Variants in KCNMA1 observed in about 807,000 individuals in gnomAD.
The protein encoded by KCNMA1 is potassium calcium-activated channel subfamily M alpha 1.
KCNMA1 carries 29 observed loss-of-function variants against 140.0 expected under a neutral mutation model. That is an observed-to-expected ratio of 0.21 (90% confidence interval 0.15 to 0.28). The LOEUF (loss-of-function observed/expected upper bound fraction) is 0.28. Among genes scored for constraint, KCNMA1 ranks in the 10% least tolerant of loss-of-function variants. KCNMA1 has a pLI of 1.00. For synonymous variants in KCNMA1, 612 were observed against 611.9 expected (o/e 1.00, Z 0.00); for missense variants, 880 against 1,602.2 (o/e 0.55, Z 7.70).
chr10:77,592,850 T>C (rs189262975), intron 1 of KCNMA1, among the ~76,000 whole-genome samples: 1 of 152,238 alleles, frequency 6.6e-6, no homozygotes, highest in Admixed American at 6.5e-5. Context: ...GCCCACTGAG[T>C]GTGCCCCGGC....
intron 1 of KCNMA1, among the ~76,000 whole-genome samples, chr10:77,580,254 G>A (rs1016211168): frequency 1.7e-4 from 26 of 151,784 alleles, no homozygotes; most frequent in Admixed American, 1.1e-3. Context: ...GGTGGCGGGC[G>A]CCTGTAGTCC....
chr10:77,143,432 T>C (rs910256644), intron 5 of KCNMA1, among the ~76,000 whole-genome samples: 1 of 151,886 alleles, frequency 6.6e-6, no homozygotes, highest in Non-Finnish European at 1.5e-5. Context: ...AGTCCAGAAA[T>C]AGACCCATAT....
chr10:76,987,704 A>C (rs1325053128), intron 19 of KCNMA1, among the ~76,000 whole-genome samples: 1 of 152,238 alleles, frequency 6.6e-6, no homozygotes, highest in East Asian at 1.9e-4. Context: ...AGGTTCCAGA[A>C]ATGTGTAAAG....
At chr10:77,044,819 G>C (rs1271587390) in intron 14 of KCNMA1, among the ~76,000 whole-genome samples, 1 of 152,086 alleles carries the variant, frequency 6.6e-6, no homozygotes, top group Admixed American at 6.5e-5. Context: ...GTGAATCCGT[G>C]GTACAAACAG....
At position 77,004,493 on chromosome 10, in the gene KCNMA1, G is replaced by C. The variant is rs149666619; in HGVS notation, c.2093-2913C>G. Among the ~76,000 whole-genome samples the C allele has an allele frequency of 2.9e-4, 44 of 152,234 alleles. 2 individuals are homozygous for C. Among genetic ancestry groups the C allele is most frequent in the African/African-American group, 1.0e-3 (43 of 41,548 alleles). ...TCTTAAAAGGTAAGACCTCCCATCT[G>C]GTGGAGCGATTCATCAGGCTTGAAG... On this transcript the variant is annotated intron_variant, in intron 18 of 27. Coordinates refer to ENST00000286628, the MANE Select transcript of KCNMA1 (RefSeq NM_001161352.2).
At chr10:77,136,763 T>G (rs2098045130) in intron 5 of KCNMA1, among the ~76,000 whole-genome samples, 1 of 152,188 alleles carries the variant, frequency 6.6e-6, no homozygotes, top group Admixed American at 6.5e-5. Flanking sequence ...AGTTTTTTAA[T>G]TTTTTTGTAA....
intron 3 of KCNMA1, among the ~76,000 whole-genome samples, chr10:77,206,696 C>G (rs1264764500): frequency 6.6e-6 from 1 of 151,662 alleles, no homozygotes; most frequent in Non-Finnish European, 1.5e-5. Context: ...GTGTTTTGTT[C>G]ACTGTTTCAC....
chr10:77,368,656 T>TTA (rs1489859519), intron 2 of KCNMA1, among the ~76,000 whole-genome samples: 1 of 152,224 alleles, frequency 6.6e-6, no homozygotes, highest in African/African-American at 2.4e-5. Context: ...TATCAAAGCT[T>TTA]TATAGTTTTA....
intron 17 of KCNMA1, chr10:77,012,497 A>C: frequency 6.5e-7 from 1 of 1,550,306 alleles, no homozygotes; most frequent in East Asian, 2.4e-5. Flanking sequence ...TAAAAATATC[A>C]AGCTTGTCAC....
At chr10:77,302,322 C>T (rs1034484127) in intron 2 of KCNMA1, among the ~76,000 whole-genome samples, 19 of 152,132 alleles carry the variant, frequency 1.2e-4, no homozygotes, top group Admixed American at 5.2e-4. Context: ...TTGCTGCCCA[C>T]CCCCATACTG....
At chr10:77,010,735 CCACTCTAGGAG>C (rs2090507108) in intron 18 of KCNMA1, among the ~76,000 whole-genome samples, 1 of 151,882 alleles carries the variant, frequency 6.6e-6, no homozygotes, top group African/African-American at 2.4e-5. Context: ...TTTCTGTACC[CCACTCTAGGAG>C]TACAATGAAA....
chr10:77,092,864 C>T (rs376058727), intron 9 of KCNMA1, among the ~76,000 whole-genome samples: 73 of 152,298 alleles, frequency 4.8e-4, no homozygotes, highest in African/African-American at 1.7e-3. Flanking sequence ...TCATTCATCC[C>T]TAGGAAAGAT....
chr10:77,120,922 A>C (rs750940820), intron 6 of KCNMA1, 51 bp downstream of exon 6: 1 of 995,336 alleles, frequency 1.0e-6, no homozygotes, highest in Non-Finnish European at 1.6e-6. Context: ...TGATATTTGC[A>C]ACTTGGCATA....
At chr10:76,968,103 TC>T (rs962817317) in intron 20 of KCNMA1, among the ~76,000 whole-genome samples, 4 of 152,144 alleles carry the variant, frequency 2.6e-5, no homozygotes, top group African/African-American at 9.7e-5. Flanking sequence ...CAAGGCTACC[TC>T]AAACCATCAC....
rs570305825 is a variant in KCNMA1, at chr10:76,898,848, A to G, written c.3148-7129T>C. Among the ~76,000 whole-genome samples, 38 of 152,032 alleles carry G rather than the reference A, an allele frequency of 2.5e-4. 1 individual carries two copies. The highest frequency in any genetic ancestry group is 3.2e-3 in the Middle Eastern group (1 of 316). On this transcript the variant is annotated intron_variant, in intron 25 of 27. Coordinates refer to ENST00000286628, the MANE Select transcript of KCNMA1 (RefSeq NM_001161352.2). Reference sequence around the variant, plus strand: ...ATAAGTAAAATTAAGTATTAAAAGAATTCTTTTTTTAAAAAAAAGCAGGAT... The same window carrying G: ...ATAAGTAAAATTAAGTATTAAAAGAGTTCTTTTTTTAAAAAAAAGCAGGAT...
intron 17 of KCNMA1, among the ~76,000 whole-genome samples, chr10:77,015,594 C>T (rs755224180): frequency 4.6e-5 from 7 of 152,112 alleles, no homozygotes; most frequent in East Asian, 3.9e-4. Context: ...AAGATCCAAC[C>T]GCCTTATGAT....
At chr10:76,997,075 T>G (rs935315076) in intron 19 of KCNMA1, among the ~76,000 whole-genome samples, 2 of 152,152 alleles carry the variant, frequency 1.3e-5, no homozygotes, top group Non-Finnish European at 2.9e-5. Context: ...TTAAGTGACT[T>G]TAGTTCTATT....
chr10:76,957,988 T>C (rs2069091193), intron 20 of KCNMA1, among the ~76,000 whole-genome samples: 1 of 152,230 alleles, frequency 6.6e-6, no homozygotes, highest in South Asian at 2.1e-4. Context: ...CAGAGAGATC[T>C]CTGGAACAGG....
chr10:77,337,865 A>G (rs1321622698), intron 2 of KCNMA1, among the ~76,000 whole-genome samples: 3 of 152,222 alleles, frequency 2.0e-5, no homozygotes, highest in East Asian at 3.9e-4. Flanking sequence ...GGAGCTGTGC[A>G]GTTCTCCATG....
Sources: allele counts gnomAD v4.1 joint callset (sites outside exome capture counted in the v4.1 genomes callset), GRCh38; gene constraint gnomAD v4.1.1; transcripts MANE v1.5; gene names NCBI Gene and HGNC (gene_info 2026-07-23, HGNC 2026-07-21).